PRKCE: variants seen among roughly 807,000 people sequenced by gnomAD.
PRKCE encodes protein kinase C epsilon.
In PRKCE, 16 loss-of-function variants were observed where a neutral mutation model predicts 85.4. That is an observed-to-expected ratio of 0.19 (90% CI 0.13 to 0.28). The LOEUF (loss-of-function observed/expected upper bound fraction) is 0.28. Among genes scored for constraint, PRKCE ranks in the 10% least tolerant of loss-of-function variants. The pLI, the probability that PRKCE is intolerant of heterozygous loss-of-function variation, is 1.00. For synonymous variants in PRKCE, 388 were observed against 371.5 expected (o/e 1.04, Z -0.51); for missense variants, 573 against 975.2 (o/e 0.59, Z 5.49).
Position 45,804,403 on chromosome 2 carries a change from C to T in PRKCE, c.349-38597C>T, listed in dbSNP as rs62127182. On this transcript the variant is annotated intron_variant, in intron 1 of 14. Transcript: ENST00000306156. Reference sequence around the variant, plus strand: ...TTCCATTGAGAGGACCTGGGCATGCCGAGTCGAGGTGGCCGCAGGTTATTC... The same window carrying T: ...TTCCATTGAGAGGACCTGGGCATGCTGAGTCGAGGTGGCCGCAGGTTATTC... Among the ~76,000 whole-genome samples the T allele has an allele frequency of 5.9e-5, 9 of 152,202 alleles. 1 individual carries two copies. The highest frequency in any genetic ancestry group is 4.2e-4 in the South Asian group (2 of 4,808).
intron 1 of PRKCE, among the ~76,000 whole-genome samples, chr2:45,776,840 C>T (rs1336695793): frequency 6.6e-6 from 1 of 152,192 alleles, no homozygotes; most frequent in East Asian, 1.9e-4. Flanking sequence ...TAGAACTCTC[C>T]AAGCAAACTC....
intron 2 of PRKCE, among the ~76,000 whole-genome samples, chr2:45,892,422 A>C (rs1695797732): frequency 6.6e-6 from 1 of 152,178 alleles, no homozygotes. Flanking sequence ...AGAGAGCAGA[A>C]GAAAAAAATA....
chr2:45,662,806 AT>A lies in PRKCE; in HGVS notation c.348+10360del, dbSNP rs1397429121. ...TCAAGGCCCACAAAAAATAAATTTA[AT>A]TCTTAAATGGAGCCCTCTCTCTGTA... On this transcript the variant is annotated intron_variant, in intron 1 of 14. Transcript: ENST00000306156. Among the ~76,000 whole-genome samples, 274 of 152,108 alleles carry A rather than the reference AT, an allele frequency of 1.8e-3. 2 individuals are homozygous for A. Among genetic ancestry groups the A allele is most frequent in the Non-Finnish European group, 2.8e-4 (19 of 68,002 alleles).
intron 1 of PRKCE, among the ~76,000 whole-genome samples, chr2:45,717,503 CT>C (rs1351925604): frequency 6.6e-6 from 1 of 152,214 alleles, no homozygotes; most frequent in Non-Finnish European, 1.5e-5. Flanking sequence ...TGGGTTCCCC[CT>C]AAAGCATATG....
At chr2:45,858,375 G>T (rs959767380) in intron 2 of PRKCE, among the ~76,000 whole-genome samples, 21 of 150,848 alleles carry the variant, frequency 1.4e-4, no homozygotes, top group East Asian at 3.9e-4. Context: ...AAATGATGGG[G>T]TTTTTTTTTG....
rs765206370 is a variant in PRKCE at position 45,769,219 on chromosome 2, CAA to C, written c.349-73778_349-73777del. On this transcript the variant is annotated intron_variant, in intron 1 of 14. Coordinates refer to ENST00000306156, the MANE Select transcript of PRKCE (RefSeq NM_005400.3). ...ATTGACTTCCTTTGTATACTCTTGA[CAA>C]AAGTCTTTTCATCCTCGCCCACCTT... 4.6e-5 allele frequency among the ~76,000 whole-genome samples: 7 copies of C among 152,298 alleles called. No individual in the cohort carries two copies. In the East Asian group the frequency reaches 1.3e-3, roughly 29 times the overall value.
intron 2 of PRKCE, among the ~76,000 whole-genome samples, chr2:45,918,904 C>T (rs1211899918): frequency 6.6e-6 from 1 of 152,252 alleles, no homozygotes; most frequent in Non-Finnish European, 1.5e-5. Context: ...CAGCTCCTTT[C>T]ACCATCTAAG....
chr2:45,783,102 A>G (rs541294282), intron 1 of PRKCE, among the ~76,000 whole-genome samples: 35 of 152,168 alleles, frequency 2.3e-4, no homozygotes, highest in African/African-American at 8.2e-4. Flanking sequence ...GCCAGTGTGC[A>G]CTCCCAGGCT....
At chr2:46,087,657 G>A (rs559753617) in intron 11 of PRKCE, among the ~76,000 whole-genome samples, 7 of 151,842 alleles carry the variant, frequency 4.6e-5, no homozygotes, top group Admixed American at 6.5e-5. Flanking sequence ...GACCACAAAC[G>A]GAATGGTGTC....
intron 6 of PRKCE, among the ~76,000 whole-genome samples, chr2:45,995,950 T>A (rs1023534816): frequency 1.3e-5 from 2 of 152,186 alleles, no homozygotes; most frequent in Non-Finnish European, 2.9e-5. Flanking sequence ...ATAGATCGAG[T>A]TTGGAAAGAC....
At position 45,812,164 on chromosome 2, in the gene PRKCE, C is replaced by G. The variant is rs536112413; in HGVS notation, c.349-30836C>G. Among the ~76,000 whole-genome samples, 3 of 152,340 alleles carry G rather than the reference C, an allele frequency of 2.0e-5. No individual in the cohort carries two copies. The South Asian group carries it at 6.2e-4, about 32-fold the overall frequency. On this transcript the variant is annotated intron_variant, in intron 1 of 14. Transcript: ENST00000306156. ...ATCTGCATCTGTGAAACAGGCTTCA[C>G]TACACTTGTTCTACTTACCTAACAG...
intron 1 of PRKCE, among the ~76,000 whole-genome samples, chr2:45,672,842 T>C (rs1676241401): frequency 6.6e-6 from 1 of 151,956 alleles, no homozygotes; most frequent in Non-Finnish European, 1.5e-5. Flanking sequence ...CTGGGCAACG[T>C]AGTAAGAGCC....
At chr2:45,899,336 T>C (rs1049464886) in intron 2 of PRKCE, among the ~76,000 whole-genome samples, 5 of 152,168 alleles carry the variant, frequency 3.3e-5, no homozygotes, top group Non-Finnish European at 4.4e-5. Context: ...CAGATGATTA[T>C]AATTGCCACT....
In PRKCE at chr2:46,139,790, C is replaced by G. The variant is rs1379860641; in HGVS notation, c.1593-5303C>G. Among the ~76,000 whole-genome samples, 1 of 152,002 alleles carries G rather than the reference C, an allele frequency of 6.6e-6. No homozygotes were observed. The highest frequency in any genetic ancestry group is 1.5e-5 in the Non-Finnish European group (1 of 67,998). On this transcript the variant is annotated intron_variant, in intron 11 of 14. Transcript: ENST00000306156. The surrounding 1 kb of genome is among the most constrained non-coding windows in gnomAD (Gnocchi z 5.2). ...AGGAAAGAAAAAGAAGAGTAAGGCT[C>G]TTCCTTTTAAGGAGACTTCCACATA...
chr2:45,797,907 G>A (rs1187176390), intron 1 of PRKCE, among the ~76,000 whole-genome samples: 1 of 152,198 alleles, frequency 6.6e-6, no homozygotes, highest in Non-Finnish European at 1.5e-5. Context: ...TAGCTGGAAG[G>A]AGAATGCACA....
chr2:46,078,903 G>T (rs762524941), intron 10 of PRKCE: 1 of 152,200 alleles, frequency 6.6e-6, no homozygotes, highest in East Asian at 1.9e-4. Flanking sequence ...TTCTGGCCGG[G>T]CACGGTCGCT....
intron 1 of PRKCE, among the ~76,000 whole-genome samples, chr2:45,664,334 A>G (rs1173442432): frequency 2.0e-5 from 3 of 152,224 alleles, no homozygotes; most frequent in Non-Finnish European, 4.4e-5. Flanking sequence ...TTTAGCCTAT[A>G]TGTACCAGTC....
chr2:45,669,194 G>A (rs1164584643), intron 1 of PRKCE, among the ~76,000 whole-genome samples: 2 of 152,064 alleles, frequency 1.3e-5, no homozygotes, highest in Admixed American at 6.6e-5. Context: ...TCATATGACT[G>A]TGCACAGACA....
At chr2:45,888,219 C>G (rs1695439404) in intron 2 of PRKCE, among the ~76,000 whole-genome samples, 1 of 152,196 alleles carries the variant, frequency 6.6e-6, no homozygotes, top group East Asian at 1.9e-4. Flanking sequence ...TGCTTAGCTC[C>G]TTTGAAACTT....
Sources: allele counts gnomAD v4.1 joint callset (sites outside exome capture counted in the v4.1 genomes callset), GRCh38; gene constraint gnomAD v4.1.1; non-coding constraint Gnocchi (gnomAD v3.1); transcripts MANE v1.5; gene names NCBI Gene and HGNC (gene_info 2026-07-23, HGNC 2026-07-21).